Variants in NHSL2 observed in about 807,000 individuals in gnomAD.
The protein encoded by NHSL2 is NHS-like protein 2.
Under a neutral mutation model 53.4 loss-of-function variants are expected in NHSL2, and 27 were observed. That is an observed-to-expected ratio of 0.51 (90% CI 0.37 to 0.70). The LOEUF is 0.70. NHSL2 is among the 30% of genes least tolerant of loss of function. The probability of loss-of-function intolerance (pLI) is 0.00; values close to 1 mark genes in which losing one functional copy is unlikely to be tolerated. For missense variants in NHSL2, 892 were observed against 980.1 expected (o/e 0.91, Z 1.20); for synonymous variants, 408 against 404.1 (o/e 1.01, Z -0.12).
intron 1 of NHSL2, among the ~76,000 whole-genome samples, chrX:72,125,453 A>G (rs1322192440): frequency 9.0e-6 from 1 of 111,073 alleles, no homozygotes; most frequent in African/African-American, 3.3e-5. Context: ...GGCCCCAGGG[A>G]CTCAACAGTG....
At chrX:71,916,255 A>C (rs2041627514) in intron 1 of NHSL2, among the ~76,000 whole-genome samples, 1 of 111,886 alleles carries the variant, frequency 8.9e-6, no homozygotes, top group East Asian at 2.8e-4. Flanking sequence ...TTCAGAAGGC[A>C]CCTTTTATTA....
At chrX:71,942,972 C>CTGTGTGTGTGTGTGTGTGTG (rs58935869) in intron 1 of NHSL2, among the ~76,000 whole-genome samples, 6 of 74,035 alleles carry the variant, frequency 8.1e-5, no homozygotes, top group African/African-American at 3.3e-4. Context: ...CTCTCTCTCT[C>CTGTGTGTGTGTGTGTGTGTG]TGTGTGTGTG....
At chrX:72,008,506 C>T (rs758042681) in intron 1 of NHSL2, among the ~76,000 whole-genome samples, 1 of 111,617 alleles carries the variant, frequency 9.0e-6, no homozygotes, top group African/African-American at 3.3e-5. Flanking sequence ...GCTAGAAAAC[C>T]GATGATGATC....
At chrX:71,984,189 G>A (rs982981421) in intron 1 of NHSL2, among the ~76,000 whole-genome samples, 1 of 111,278 alleles carries the variant, frequency 9.0e-6, no homozygotes, top group Non-Finnish European at 1.9e-5. Context: ...TTGCAATCAG[G>A]GTAGAGAGGA....
chrX:72,062,614 T>C (rs1481568720), intron 1 of NHSL2, among the ~76,000 whole-genome samples: 3 of 112,417 alleles, frequency 2.7e-5, no homozygotes. Context: ...TACCCTAGCC[T>C]ACTTCATTCA....
intron 1 of NHSL2, among the ~76,000 whole-genome samples, chrX:71,946,874 T>C (rs749953129): frequency 8.9e-6 from 1 of 112,055 alleles, no homozygotes; most frequent in African/African-American, 3.2e-5. Flanking sequence ...AATTTCTTCA[T>C]CTGTAAAATG....
intron 1 of NHSL2, among the ~76,000 whole-genome samples, chrX:71,954,313 A>G (rs1251080405): frequency 8.9e-6 from 1 of 112,195 alleles, no homozygotes; most frequent in East Asian, 2.8e-4. Flanking sequence ...ACCATCACAC[A>G]GCAAGGAAGG....
intron 2 of NHSL2, among the ~76,000 whole-genome samples, chrX:72,133,105 A>G (rs755671607): frequency 7.1e-5 from 8 of 112,467 alleles, no homozygotes; most frequent in African/African-American, 2.3e-4. Context: ...TGTTGCTACC[A>G]TGGCAGAATT....
intron 1 of NHSL2, among the ~76,000 whole-genome samples, chrX:72,093,783 C>CCTTT (rs1208328040): frequency 1.5e-5 from 1 of 67,135 alleles, no homozygotes; most frequent in African/African-American, 6.6e-5. Flanking sequence ...TCTTTCTTTT[C>CCTTT]CTTTCTTTCT....
chrX:71,919,068 G>GCTGAC (rs2041643423), intron 1 of NHSL2, among the ~76,000 whole-genome samples: 1 of 112,241 alleles, frequency 8.9e-6, no homozygotes, highest in Non-Finnish European at 1.9e-5. Context: ...TGCTGACAAT[G>GCTGAC]ATTATCTCAG....
intron 1 of NHSL2, among the ~76,000 whole-genome samples, chrX:71,945,848 G>C (rs1569465222): frequency 8.9e-6 from 1 of 111,926 alleles, no homozygotes; most frequent in Non-Finnish European, 1.9e-5. Flanking sequence ...ATGCCATCTT[G>C]TTTAACCCTC....
chrX:72,142,250 G>A lies in NHSL2; in HGVS notation c.3242G>A (p.Gly1081Asp). The change falls in exon 7 of 8, where the codon GGC (glycine) becomes GAC (aspartate). Residue 1081 changes from glycine (G) to aspartate (D), a missense_variant. Transcript: ENST00000633930. ...TGTCTAGGGAGTTCTGTGGAACCAG[G>A]CACCGAAGAAAAAAGTTTAATCAGT... ...ASPLGSSVEP[G>D]TEEKSLISDK... 8.6e-7 allele frequency: 1 copy of A among 1,162,951 alleles called. No homozygotes were observed. The highest frequency in any genetic ancestry group is 1.2e-6 in the Non-Finnish European group (1 of 869,533).
chrX:72,084,701 C>T (rs918281903), intron 1 of NHSL2, among the ~76,000 whole-genome samples: 1 of 112,270 alleles, frequency 8.9e-6, no homozygotes, highest in East Asian at 2.8e-4. Flanking sequence ...GGAATCTGGG[C>T]ACACATCACA....
intron 1 of NHSL2, among the ~76,000 whole-genome samples, chrX:72,066,131 T>A (rs888595252): frequency 9.0e-6 from 1 of 111,220 alleles, no homozygotes; most frequent in Admixed American, 9.6e-5. Context: ...AAGATATTCA[T>A]TGAAGGGGTC....
At chrX:72,101,629 A>C (rs1301767565) in intron 1 of NHSL2, among the ~76,000 whole-genome samples, 1 of 110,183 alleles carries the variant, frequency 9.1e-6, no homozygotes, top group African/African-American at 3.3e-5. Flanking sequence ...GAGGGTTCAG[A>C]GCAGCTAGGC....
intron 1 of NHSL2, among the ~76,000 whole-genome samples, chrX:72,030,235 C>G (rs1166771122): frequency 1.2e-4 from 13 of 112,226 alleles, no homozygotes; most frequent in Non-Finnish European, 3.8e-5. Flanking sequence ...ATTCCTGCTG[C>G]CAGCAGCTGT....
intron 1 of NHSL2, among the ~76,000 whole-genome samples, chrX:72,090,332 T>C (rs1325840350): frequency 1.8e-5 from 2 of 111,906 alleles, no homozygotes; most frequent in Non-Finnish European, 3.8e-5. Context: ...CCCAAAGTGC[T>C]GGAATTACAG....
intron 1 of NHSL2, among the ~76,000 whole-genome samples, chrX:72,063,542 C>T (rs2042411081): frequency 8.9e-6 from 1 of 112,136 alleles, no homozygotes; most frequent in Non-Finnish European, 1.9e-5. Context: ...CACTGCAGAT[C>T]TTTTGTCCAG....
intron 1 of NHSL2, among the ~76,000 whole-genome samples, chrX:72,016,634 G>T (rs760247169): frequency 9.0e-6 from 1 of 110,706 alleles, no homozygotes; most frequent in Non-Finnish European, 1.9e-5. Flanking sequence ...ATGTTCAGGG[G>T]TCAAAGAACC....
Sources: gnomAD v4.1 joint callset for allele counts (sites outside exome capture counted in the v4.1 genomes callset) on GRCh38, gnomAD v4.1.1 for gene constraint, MANE v1.5 for transcripts, NCBI Gene and HGNC (gene_info 2026-07-23, HGNC 2026-07-21) for gene names.